Variants in RBM20 observed in about 807,000 individuals in gnomAD.
RBM20 encodes RNA binding motif protein 20, also known as RNA-binding protein 20.
Under a neutral mutation model 110.1 loss-of-function variants are expected in RBM20, and 51 were observed. The observed-to-expected ratio is 0.46, with a 90% CI of 0.37 to 0.59. RBM20 has a LOEUF of 0.59. RBM20 is among the 20% of genes least tolerant of loss of function. The pLI, the probability that RBM20 is intolerant of heterozygous loss-of-function variation, is 0.00. For missense variants in RBM20, 1,512 were observed against 1,574.9 expected (o/e 0.96, Z 0.68); for synonymous variants, 589 against 618.2 (o/e 0.95, Z 0.70).
chr10:110,821,647 C>G lies in RBM20; in HGVS notation c.3028C>G (p.Pro1010Ala), dbSNP rs1382591755. The change falls in exon 11 of 14, where the codon CCA (proline) becomes GCA (alanine). Residue 1010 changes from proline to alanine, a missense_variant. Physicochemically the swap from Pro to Ala is conservative, Grantham distance 27. Coordinates refer to ENST00000369519, the MANE Select transcript of RBM20 (RefSeq NM_001134363.3). ...PGLNLDAERK[P>A]AESETGLSLE... The stretch of plus-strand genomic sequence containing the variant: ...CCTAAATCTGGATGCTGAGCGGAAG[C>G]CAGCTGAAAGTGAGACAGGCCTCTC... 1 of 1,551,766 alleles carries G rather than the reference C, an allele frequency of 6.4e-7. No homozygotes were observed. Among genetic ancestry groups the G allele is most frequent in the Admixed American group, 2.0e-5 (1 of 51,008 alleles).
At position 110,781,842 on chromosome 10, in the gene RBM20, G is replaced by T. The variant is rs778898785; in HGVS notation, c.1233G>T (p.Pro411=). ...DFHGVAPLHL[P]HICSICDKKV... ...ACGGTGTGGCCCCCCTCCACTTGCC[G>T]CATATCTGTAGCATCTGTGACAAGA... Residue 411 remains proline (P), a synonymous_variant, in exon 2 of 14, where the codon CCG becomes CCT. Transcript: ENST00000369519. The T allele has an allele frequency of 6.4e-7, 1 of 1,551,720 alleles. No individual in the cohort carries two copies. Among genetic ancestry groups the T allele is most frequent in the South Asian group, 1.2e-5 (1 of 84,060 alleles).
chr10:110,833,063 C>CT (rs1200504652), intron 13 of RBM20, among the ~76,000 whole-genome samples: 2 of 152,098 alleles, frequency 1.3e-5, no homozygotes, highest in Non-Finnish European at 2.9e-5. Context: ...TTTCCCAAAC[C>CT]TTCTTCTTTG....
intron 1 of RBM20, among the ~76,000 whole-genome samples, chr10:110,714,470 A>T (rs1029885546): frequency 6.6e-6 from 1 of 152,186 alleles, no homozygotes; most frequent in Non-Finnish European, 1.5e-5. Context: ...GAAGGGCCAG[A>T]CAATGAGGAC....
intron 1 of RBM20, among the ~76,000 whole-genome samples, chr10:110,696,849 CTTACTT>C (rs1862671506): frequency 1.3e-5 from 2 of 152,294 alleles, no homozygotes; most frequent in South Asian, 2.1e-4. Context: ...GTCTGCAACT[CTTACTT>C]TTACAGCTTG....
chr10:110,663,443 C>T (rs1862134679), intron 1 of RBM20, among the ~76,000 whole-genome samples: 1 of 152,130 alleles, frequency 6.6e-6, no homozygotes, highest in African/African-American at 2.4e-5. Context: ...GGATGGCATG[C>T]TATCTATTAT....
intron 13 of RBM20, among the ~76,000 whole-genome samples, chr10:110,831,665 A>G (rs1366241353): frequency 1.5e-5 from 2 of 129,270 alleles, no homozygotes; most frequent in Admixed American, 8.3e-5. Flanking sequence ...GCTTGCTAGA[A>G]TAAAAAAAAA....
intron 1 of RBM20, among the ~76,000 whole-genome samples, chr10:110,705,853 G>A (rs1237443595): frequency 6.6e-6 from 1 of 152,130 alleles, no homozygotes; most frequent in Non-Finnish European, 1.5e-5. Context: ...GGCCAAGGTG[G>A]GTGGATCACT....
chr10:110,835,952 C>T lies in RBM20; in HGVS notation c.3658C>T (p.Pro1220Ser). 7.5e-7 allele frequency: 1 copy of T among 1,334,568 alleles called. No individual in the cohort carries two copies. The highest frequency in any genetic ancestry group is 1.0e-6 in the Non-Finnish European group (1 of 953,960). 82.7% of individuals were successfully genotyped at this position (1,334,568 alleles called of 1,614,324 possible). The change falls in exon 14 of 14, where the codon CCA becomes TCA. Residue 1220 changes from proline (P) to serine (S), a missense_variant. Around this residue, in one of 3 missense-constraint regions of RBM20, gnomAD observed 358 missense variants for 384.2 expected, o/e 0.93. Transcript: ENST00000369519. ...GAGGCCAGAGGACAGCGGAATCGTG[C>T]CACGCTTCGAAAGGAAAAAGCTCTG... is the stretch of plus-strand genomic sequence containing the variant. ...SPRPEDSGIV[P>S]RFERKKL is the part of the protein sequence containing the mutation.
intron 1 of RBM20, among the ~76,000 whole-genome samples, chr10:110,775,069 C>G (rs910653890): frequency 3.3e-5 from 5 of 152,190 alleles, no homozygotes; most frequent in African/African-American, 1.2e-4. Context: ...TTAAGTCTCT[C>G]CTGTGTTGAC....
chr10:110,831,682 A>AAAAAAAC (rs1554844424), intron 13 of RBM20, among the ~76,000 whole-genome samples: 9 of 136,460 alleles, frequency 6.6e-5, no homozygotes, highest in South Asian at 4.4e-4. Context: ...AAAAAAAAAA[A>AAAAAAAC]AAAAAAAAAC....
chr10:110,806,005 G>A (rs1844689586), intron 7 of RBM20, among the ~76,000 whole-genome samples: 2 of 152,218 alleles, frequency 1.3e-5, no homozygotes, highest in Admixed American at 1.3e-4. Context: ...GGCCGTGGTG[G>A]CTCACGCCTG....
At chr10:110,715,658 G>A (rs553778301) in intron 1 of RBM20, among the ~76,000 whole-genome samples, 10 of 152,244 alleles carry the variant, frequency 6.6e-5, no homozygotes, top group African/African-American at 2.4e-4. Flanking sequence ...AATATTGAGG[G>A]GCTGCTCCAT....
upstream of RBM20, among the ~76,000 whole-genome samples, chr10:110,644,228 ACGCCCCCTGGCCCC>A (rs1590590549): frequency 6.6e-6 from 1 of 151,872 alleles, no homozygotes; most frequent in East Asian, 1.9e-4. The surrounding 1 kb of genome is among the most constrained non-coding windows in gnomAD (Gnocchi z 4.3). Context: ...CGGTCGGGAG[ACGCCCCCTGGCCCC>A]CGCCCCCGCG....
intron 10 of RBM20, among the ~76,000 whole-genome samples, chr10:110,821,033 G>A (rs929516158): frequency 6.6e-6 from 1 of 152,228 alleles, no homozygotes; most frequent in Non-Finnish European, 1.5e-5. Flanking sequence ...ACTGGGGCTT[G>A]AAATTCTTTG....
chr10:110,785,214 G>A (rs892319263), intron 5 of RBM20, among the ~76,000 whole-genome samples: 1 of 152,222 alleles, frequency 6.6e-6, no homozygotes, highest in Non-Finnish European at 1.5e-5. Flanking sequence ...ACATGCCACA[G>A]GCTGGGAGGA....
intron 1 of RBM20, among the ~76,000 whole-genome samples, chr10:110,727,143 C>A (rs867791175): frequency 3.7e-5 from 3 of 80,656 alleles, no homozygotes; most frequent in Non-Finnish European, 6.9e-5. Context: ...TGCACCCAGC[C>A]TTTTTTTTTT....
intron 12 of RBM20, among the ~76,000 whole-genome samples, chr10:110,826,529 CATT>C (rs1332957644): frequency 6.6e-6 from 1 of 151,014 alleles, no homozygotes; most frequent in African/African-American, 2.4e-5. Flanking sequence ...TGCTCAACAT[CATT>C]GAGATTCATC....
At chr10:110,832,384 T>C (rs937371775) in intron 13 of RBM20, among the ~76,000 whole-genome samples, 6 of 152,220 alleles carry the variant, frequency 3.9e-5, no homozygotes, top group African/African-American at 1.4e-4. Flanking sequence ...TAGCCGTTCT[T>C]AACCAGGGAC....
At chr10:110,690,716 A>C (rs1590619793) in intron 1 of RBM20, among the ~76,000 whole-genome samples, 1 of 152,362 alleles carries the variant, frequency 6.6e-6, no homozygotes, top group East Asian at 1.9e-4. Flanking sequence ...GCATGTATCA[A>C]AATTGTATTC....
Sources: allele counts gnomAD v4.1 joint callset (sites outside exome capture counted in the v4.1 genomes callset), GRCh38; gene constraint gnomAD v4.1.1; regional missense constraint gnomAD v4.1.1; non-coding constraint Gnocchi (gnomAD v3.1); transcripts MANE v1.5; gene names NCBI Gene and HGNC (gene_info 2026-07-23, HGNC 2026-07-21).